Variants in GARNL3 observed in about 807,000 individuals in gnomAD.
GARNL3 encodes GTPase activating Rap/RanGAP domain like 3, also known as GTPase-activating Rap/Ran-GAP domain-like protein 3.
In GARNL3, 63 loss-of-function variants were observed where a neutral mutation model predicts 125.0. That is an observed-to-expected ratio of 0.50 (90% CI 0.41 to 0.62). GARNL3 has a LOEUF of 0.62. Among genes scored for constraint, GARNL3 ranks in the 20% least tolerant of loss-of-function variants. GARNL3 has a pLI of 0.00. For missense variants in GARNL3, 994 were observed against 1,244.0 expected, an observed-to-expected ratio of 0.80 and a Z score of 3.02; for synonymous variants, 439 against 457.5, an observed-to-expected ratio of 0.96 and a Z score of 0.52.
intron 2 of GARNL3, among the ~76,000 whole-genome samples, chr9:127,297,651 C>T (rs892017673): frequency 6.6e-6 from 1 of 152,232 alleles, no homozygotes; most frequent in African/African-American, 2.4e-5. Flanking sequence ...ATACGTAACA[C>T]ATACCGAATG....
intron 2 of GARNL3, among the ~76,000 whole-genome samples, chr9:127,304,169 C>T (rs564789715): frequency 1.3e-5 from 2 of 152,316 alleles, no homozygotes; most frequent in East Asian, 3.9e-4. Context: ...GTTTCATTGT[C>T]ACCTTAAACT....
chr9:127,252,408 A>G (rs1319494120), intron 2 of GARNL3, among the ~76,000 whole-genome samples: 1 of 152,204 alleles, frequency 6.6e-6, no homozygotes, highest in Non-Finnish European at 1.5e-5. Context: ...TGTTTATTCA[A>G]ATATTTATTG....
At position 127,280,144 on chromosome 9, in the gene GARNL3, G is replaced by C. The variant is rs2064066296; in HGVS notation, c.145-11024G>C. ...ACATAAGCCTGAGAAAATGCCAGCT[G>C]TCTAGATCAAAAAACAGGATGCAGA... On this transcript the variant is annotated intron_variant, in intron 1 of 27. Transcript: ENST00000373387. The surrounding 1 kb of genome is among the most constrained non-coding windows in gnomAD (Gnocchi z 4.5). Among the ~76,000 whole-genome samples, 1 of 152,150 alleles carries C rather than the reference G, an allele frequency of 6.6e-6. No individual in the cohort carries two copies. The highest frequency in any genetic ancestry group is 2.4e-5 in the African/African-American group (1 of 41,428).
intron 17 of GARNL3, among the ~76,000 whole-genome samples, chr9:127,350,500 C>T (rs971105383): frequency 2.6e-4 from 40 of 152,120 alleles, no homozygotes; most frequent in African/African-American, 8.9e-4. Context: ...TCCTTCCGGG[C>T]GCAGTGGCTC....
In GARNL3 at chr9:127,264,833, G is replaced by A. The variant is rs775725877; in HGVS notation, c.-45G>A. 1.1e-5 allele frequency: 17 copies of A among 1,478,836 alleles called. No homozygotes were observed. Among genetic ancestry groups the A allele is most frequent in the Non-Finnish European group, 1.5e-5 (17 of 1,102,568 alleles). 91.6% of individuals were successfully genotyped at this position (1,478,836 alleles called of 1,614,324 possible). ...TGCAAGGAGGCTCCCCTGCAGTGAG[G>A]AGCCGGGGCACTGCAAGTCTGTTCC... On this transcript the variant is annotated 5_prime_UTR_variant, in exon 1 of 28. Transcript: ENST00000373387.
At chr9:127,348,810 C>T (rs894363028) in intron 16 of GARNL3, 114 bp from the exon 17 acceptor site, 5 of 658,714 alleles carry the variant, frequency 7.6e-6, no homozygotes, top group Middle Eastern at 4.2e-4. Context: ...GACTCCGCTC[C>T]CACGGGGGTA....
chr9:127,283,723 A>G (rs1386075934), intron 1 of GARNL3, among the ~76,000 whole-genome samples: 2 of 152,192 alleles, frequency 1.3e-5, no homozygotes, highest in African/African-American at 4.8e-5. Flanking sequence ...TGGCCACAGT[A>G]TTGGACAGTG....
intron 22 of GARNL3, among the ~76,000 whole-genome samples, chr9:127,379,523 A>G (rs1180115238): frequency 6.6e-6 from 1 of 152,188 alleles, no homozygotes; most frequent in Admixed American, 6.5e-5. Context: ...CTGGGGAAGA[A>G]GTTGGCAGGA....
At chr9:127,336,009 G>C (rs1829532439) in intron 10 of GARNL3, 119 bp from the exon 11 acceptor site, 2 of 702,366 alleles carry the variant, frequency 2.8e-6, no homozygotes, top group Non-Finnish European at 4.7e-6. Context: ...AAAGATGTCT[G>C]AAGTTCAGGG....
At chr9:127,357,148 C>A in intron 20 of GARNL3, 71 bp from the exon 21 acceptor site, 1 of 1,471,462 alleles carries the variant, frequency 6.8e-7, no homozygotes, top group Non-Finnish European at 9.4e-7. Context: ...AGGGAATGGG[C>A]AGTGGGGCTT....
At chr9:127,255,099 G>A (rs1295362252) in intron 2 of GARNL3, among the ~76,000 whole-genome samples, 1 of 152,220 alleles carries the variant, frequency 6.6e-6, no homozygotes, top group Non-Finnish European at 1.5e-5. Flanking sequence ...GTGACACTAT[G>A]TAGAAAAAAT....
intron 2 of GARNL3, chr9:127,300,885 TA>T: frequency 3.7e-6 from 1 of 271,502 alleles, no homozygotes. Context: ...GACTCCACAA[TA>T]AAGGACTCAC....
chr9:127,263,038 C>G (rs1332158969), upstream of GARNL3, among the ~76,000 whole-genome samples: 1 of 152,206 alleles, frequency 6.6e-6, no homozygotes, highest in Non-Finnish European at 1.5e-5. Flanking sequence ...AAGCATCCCT[C>G]TGCGGTATAT....
At chr9:127,298,698 G>C (rs149775611) in intron 2 of GARNL3, among the ~76,000 whole-genome samples, 20 of 152,210 alleles carry the variant, frequency 1.3e-4, no homozygotes, top group African/African-American at 4.8e-4. Context: ...TGGCTTACTG[G>C]TTCAAACAGT....
At chr9:127,387,517 C>T (rs1286630515) in intron 25 of GARNL3, among the ~76,000 whole-genome samples, 186 bp downstream of exon 25, 8 of 151,222 alleles carry the variant, frequency 5.3e-5, no homozygotes, top group South Asian at 2.1e-4. Flanking sequence ...CTGAGGCGGG[C>T]GGATCACCTA....
intron 1 of GARNL3, among the ~76,000 whole-genome samples, chr9:127,289,212 T>C (rs1278052553): frequency 6.6e-6 from 1 of 152,246 alleles, no homozygotes; most frequent in East Asian, 1.9e-4. Context: ...TCTGTAAAGT[T>C]AGAGACAGTC....
chr9:127,372,123 A>ACATT lies in GARNL3; in HGVS notation c.2161+6778_2161+6781dup, dbSNP rs372030098. ...AACCAAAAACTTTGTTCCATACCTC[A>ACATT]CATTCATTCATTCATTCATTCATTT... On this transcript the variant is annotated intron_variant, in intron 22 of 27. Coordinates refer to ENST00000373387, the MANE Select transcript of GARNL3 (RefSeq NM_032293.5). Among the ~76,000 whole-genome samples the ACATT allele has an allele frequency of 2.2e-4, 33 of 152,266 alleles. 1 individual carries two copies. The highest frequency in any genetic ancestry group is 3.9e-4 in the African/African-American group (16 of 41,538).
chr9:127,316,529 C>T (rs1016311457), intron 4 of GARNL3, among the ~76,000 whole-genome samples: 1 of 152,120 alleles, frequency 6.6e-6, no homozygotes, highest in African/African-American at 2.4e-5. Flanking sequence ...AGCAAAGCCA[C>T]AGAAGAACTC....
At chr9:127,382,196 A>T (rs1832300390) in intron 22 of GARNL3, among the ~76,000 whole-genome samples, 1 of 152,054 alleles carries the variant, frequency 6.6e-6, no homozygotes, top group African/African-American at 2.4e-5. Flanking sequence ...GCTACTTGGG[A>T]GGCTGAGGCA....
Sources: allele counts gnomAD v4.1 joint callset (sites outside exome capture counted in the v4.1 genomes callset), GRCh38; gene constraint gnomAD v4.1.1; non-coding constraint Gnocchi (gnomAD v3.1); transcripts MANE v1.5; gene names NCBI Gene and HGNC (gene_info 2026-07-23, HGNC 2026-07-21).